SLC8A1: variants seen among roughly 807,000 people sequenced by gnomAD.
The protein encoded by SLC8A1 is solute carrier family 8 member A1, also known as sodium/calcium exchanger 1.
A neutral mutation model predicts 68.3 loss-of-function variants in SLC8A1; 18 were observed. That is an observed-to-expected ratio of 0.26 (90% CI 0.18 to 0.39). The LOEUF (loss-of-function observed/expected upper bound fraction) is 0.39. SLC8A1 is among the 10% of genes least tolerant of loss of function. SLC8A1 has a pLI of 1.00. For missense variants in SLC8A1, 985 were observed against 1,156.7 expected (o/e 0.85, Z 2.15); for synonymous variants, 475 against 415.5 (o/e 1.14, Z -1.74).
intron 1 of SLC8A1, among the ~76,000 whole-genome samples, chr2:40,503,251 G>A (rs138823540): frequency 1.3e-5 from 2 of 152,060 alleles, no homozygotes; most frequent in Non-Finnish European, 1.5e-5. Flanking sequence ...TGCATATGCT[G>A]CTCCCTCAAC....
chr2:40,243,893 T>C (rs1411965362), intron 2 of SLC8A1, among the ~76,000 whole-genome samples: 1 of 152,164 alleles, frequency 6.6e-6, no homozygotes, highest in Non-Finnish European at 1.5e-5. Context: ...ACAAACATTA[T>C]TTCTAAAACC....
rs2054863076 is a variant in SLC8A1, at chr2:40,203,825, C to T, written c.1809-25970G>A. On this transcript the variant is annotated intron_variant, in intron 2 of 7. Coordinates refer to ENST00000406785, the Ensembl canonical transcript of SLC8A1. ...GGCTCAAATGATCCTCTACCTCATCCTCTGGAGTAGCTGGGACTACATGCA... is the reference window on the plus strand; with the variant it reads ...GGCTCAAATGATCCTCTACCTCATCTTCTGGAGTAGCTGGGACTACATGCA... 1.3e-5 allele frequency among the ~76,000 whole-genome samples: 2 copies of T among 151,956 alleles called. 1 individual carries two copies. The highest frequency in any genetic ancestry group is 4.8e-5 in the African/African-American group (2 of 41,398).
intron 2 of SLC8A1, among the ~76,000 whole-genome samples, chr2:40,370,801 A>C (rs1230984580): frequency 6.6e-6 from 1 of 152,076 alleles, no homozygotes. Flanking sequence ...AGCATTACTA[A>C]TACTGTATTA....
chr2:40,490,683 G>C (rs564629798), intron 1 of SLC8A1, among the ~76,000 whole-genome samples: 9 of 152,152 alleles, frequency 5.9e-5, no homozygotes, highest in African/African-American at 2.2e-4. Context: ...TGGATAACCA[G>C]GGGTGTCCAA....
At chr2:40,217,464 A>C (rs1314275281) in intron 2 of SLC8A1, among the ~76,000 whole-genome samples, 1 of 152,006 alleles carries the variant, frequency 6.6e-6, no homozygotes, top group East Asian at 1.9e-4. Flanking sequence ...TTCAGTTTTT[A>C]TTAGGCTTTT....
chr2:40,109,500 C>T (rs10195992), exon 8 of SLC8A1: 130,405 of 152,154 alleles, frequency 0.86, 56,100 homozygotes, highest in East Asian at 0.99. Context: ...CGCTCATTTA[C>T]AAAGATTCCA....
chr2:40,173,595 C>A (rs1162555946), intron 4 of SLC8A1, among the ~76,000 whole-genome samples: 4 of 152,176 alleles, frequency 2.6e-5, no homozygotes, highest in Admixed American at 1.3e-4. Flanking sequence ...ATTGGAATTG[C>A]TTGTTCATGA....
intron 2 of SLC8A1, chr2:40,178,418 C>T (rs747087111): frequency 3.1e-6 from 5 of 1,613,862 alleles, no homozygotes; most frequent in African/African-American, 1.3e-5. Context: ...CCAGGCGGGG[C>T]TCTCCAATCT....
chr2:40,178,409 C>G (rs200784467), intron 2 of SLC8A1: 8 of 1,613,980 alleles, frequency 5.0e-6, no homozygotes, highest in Non-Finnish European at 6.8e-6. Flanking sequence ...TCATCTCCAC[C>G]AGGCGGGGCT....
exon 8 of SLC8A1, chr2:40,112,120 G>A (rs1389474252): frequency 6.6e-6 from 1 of 152,456 alleles, no homozygotes; most frequent in African/African-American, 2.4e-5. Context: ...TTTTTTCTTT[G>A]GATGATGATA....
chr2:40,359,804 G>T (rs1035039779), intron 2 of SLC8A1, among the ~76,000 whole-genome samples: 1 of 152,044 alleles, frequency 6.6e-6, no homozygotes, highest in Non-Finnish European at 1.5e-5. Flanking sequence ...AAAGTAAGAA[G>T]CAAGTGTGTG....
At chr2:40,252,840 A>AAT (rs1558963958) in intron 2 of SLC8A1, among the ~76,000 whole-genome samples, 12 of 114,406 alleles carry the variant, frequency 1.0e-4, no homozygotes, top group Admixed American at 3.0e-4. Flanking sequence ...ACATGTGTAT[A>AAT]CATATATGTA....
chr2:40,376,042 T>C (rs529511927), intron 2 of SLC8A1, among the ~76,000 whole-genome samples: 5 of 152,132 alleles, frequency 3.3e-5, no homozygotes, highest in African/African-American at 1.2e-4. Flanking sequence ...AATTTGTAGG[T>C]TGACTTTTTC....
chr2:40,490,684 G>A (rs1221130081), intron 1 of SLC8A1, among the ~76,000 whole-genome samples: 1 of 151,988 alleles, frequency 6.6e-6, no homozygotes, highest in African/African-American at 2.4e-5. Context: ...GGATAACCAG[G>A]GGTGTCCAAG....
chr2:40,349,697 G>T (rs900956395), intron 2 of SLC8A1, among the ~76,000 whole-genome samples: 1 of 152,080 alleles, frequency 6.6e-6, no homozygotes, highest in African/African-American at 2.4e-5. Context: ...CAAAGCTGTG[G>T]CCTACTTAAG....
At chr2:40,492,849 G>A (rs1282262656) in intron 1 of SLC8A1, among the ~76,000 whole-genome samples, 1 of 148,652 alleles carries the variant, frequency 6.7e-6, no homozygotes, top group East Asian at 2.0e-4. Flanking sequence ...GAAACAACAG[G>A]TGCTGGAGAA....
chr2:40,390,125 A>G (rs1559493033), intron 2 of SLC8A1, among the ~76,000 whole-genome samples: 1 of 152,074 alleles, frequency 6.6e-6, no homozygotes. Context: ...GAAAATCTGG[A>G]TTACACAACC....
chr2:40,487,378 A>C (rs1192994499), intron 1 of SLC8A1, among the ~76,000 whole-genome samples: 1 of 152,190 alleles, frequency 6.6e-6, no homozygotes, highest in Non-Finnish European at 1.5e-5. Flanking sequence ...TACAGAAGAC[A>C]GATGATTGAG....
At chr2:40,171,461 A>C (rs192974958) in intron 4 of SLC8A1, among the ~76,000 whole-genome samples, 33 of 152,312 alleles carry the variant, frequency 2.2e-4, no homozygotes, top group Non-Finnish European at 3.7e-4. Context: ...TAATTTATTA[A>C]ATTATTCATG....
Sources: allele counts gnomAD v4.1 joint callset (sites outside exome capture counted in the v4.1 genomes callset), GRCh38; gene constraint gnomAD v4.1.1; transcripts MANE v1.5; gene names NCBI Gene and HGNC (gene_info 2026-07-23, HGNC 2026-07-21).